Variants in HDAC9 observed in about 807,000 individuals in gnomAD.
HDAC9 encodes the protein histone deacetylase 9.
HDAC9 carries 41 observed loss-of-function variants against 139.4 expected under a neutral mutation model. The observed-to-expected ratio is 0.29, with a 90% CI of 0.23 to 0.38. The LOEUF (loss-of-function observed/expected upper bound fraction) is 0.38, where lower values mean the gene tolerates loss of function less well. HDAC9 is among the 10% of genes least tolerant of loss of function. The pLI is 1.00. For synonymous variants in HDAC9, 517 were observed against 476.2 expected (o/e 1.09, Z -1.12); for missense variants, 1,147 against 1,297.0 (o/e 0.88, Z 1.78).
At chr7:18,693,661 G>C (rs1182394872) in intron 12 of HDAC9, among the ~76,000 whole-genome samples, 3 of 152,132 alleles carry the variant, frequency 2.0e-5, no homozygotes, top group African/African-American at 4.8e-5. Context: ...AGTAGACTGG[G>C]ATTTCAAGGC....
intron 12 of HDAC9, among the ~76,000 whole-genome samples, chr7:18,684,889 T>G (rs17139630): frequency 0.18 from 26,729 of 151,940 alleles, 3,809 homozygotes; most frequent in East Asian, 0.37. Context: ...TCTTCTAGTT[T>G]TTTATCACAT....
At chr7:18,159,568 G>C (rs1255825727) in intron 1 of HDAC9, among the ~76,000 whole-genome samples, 1 of 152,182 alleles carries the variant, frequency 6.6e-6, no homozygotes, top group Non-Finnish European at 1.5e-5. Flanking sequence ...GGTGTGAGGA[G>C]AGGGAAGCAT....
intron 19 of HDAC9, among the ~76,000 whole-genome samples, chr7:18,830,525 T>G (rs1795784730): frequency 6.6e-6 from 1 of 152,174 alleles, no homozygotes; most frequent in South Asian, 2.1e-4. Flanking sequence ...TTATTGGAAG[T>G]CACGGCCTCG....
intron 17 of HDAC9, among the ~76,000 whole-genome samples, chr7:18,803,067 C>T (rs776434712): frequency 5.9e-5 from 9 of 151,748 alleles, no homozygotes; most frequent in Non-Finnish European, 1.2e-4. Flanking sequence ...TACTTTCACC[C>T]GCCCCTTGCT....
intron 2 of HDAC9, among the ~76,000 whole-genome samples, chr7:18,263,509 T>A (rs1311039211): frequency 2.0e-5 from 3 of 152,192 alleles, no homozygotes; most frequent in African/African-American, 7.2e-5. Flanking sequence ...ACAAACTGCC[T>A]GAGCTCATAT....
intron 2 of HDAC9, among the ~76,000 whole-genome samples, chr7:18,272,354 C>T (rs1347584076): frequency 1.3e-5 from 2 of 152,182 alleles, no homozygotes; most frequent in South Asian, 2.1e-4. Context: ...TTAAAAAATA[C>T]ATATATAGTG....
chr7:18,881,220 A>G (rs2129255531), intron 22 of HDAC9, among the ~76,000 whole-genome samples: 1 of 152,274 alleles, frequency 6.6e-6, no homozygotes, highest in East Asian at 1.9e-4. Flanking sequence ...ATGAAGTTTT[A>G]TCTAACTACA....
chr7:18,793,303 C>A, intron 16 of HDAC9, 42 bp from the exon 17 acceptor site: 1 of 1,371,450 alleles, frequency 7.3e-7, no homozygotes, highest in Non-Finnish European at 1.0e-6. Flanking sequence ...TTCTCTTTCG[C>A]TTTCTTCTTC....
intron 1 of HDAC9, among the ~76,000 whole-genome samples, chr7:18,404,302 A>G (rs1787809007): frequency 1.3e-5 from 2 of 152,250 alleles, no homozygotes; most frequent in Admixed American, 6.5e-5. Flanking sequence ...TAAGAGGTAT[A>G]TAACATACAT....
intron 1 of HDAC9, among the ~76,000 whole-genome samples, chr7:18,487,910 C>T (rs913765044): frequency 6.6e-6 from 1 of 151,956 alleles, no homozygotes; most frequent in Admixed American, 6.6e-5. Context: ...CAAGTAGTAA[C>T]TTAGTCTTGT....
At chr7:18,984,889 T>C (rs1785207311) in intron 25 of HDAC9, among the ~76,000 whole-genome samples, 1 of 152,144 alleles carries the variant, frequency 6.6e-6, no homozygotes, top group South Asian at 2.1e-4. Context: ...TGTATTGTTA[T>C]GGTAGGTGTG....
intron 23 of HDAC9, among the ~76,000 whole-genome samples, chr7:18,939,388 G>T (rs1781869143): frequency 6.6e-6 from 1 of 152,012 alleles, no homozygotes; most frequent in Non-Finnish European, 1.5e-5. Flanking sequence ...GAAAAAGAAA[G>T]ATTATTAAAA....
chr7:18,694,276 G>C (rs1322629547), intron 12 of HDAC9, among the ~76,000 whole-genome samples: 1 of 152,100 alleles, frequency 6.6e-6, no homozygotes, highest in African/African-American at 2.4e-5. Flanking sequence ...GGTTGAGAGA[G>C]GCAAAGGGTT....
At position 18,585,451 on chromosome 7, in the gene HDAC9, A is replaced by C; in HGVS notation, c.193A>C (p.Ile65Leu). 1 of 1,613,990 alleles carries C rather than the reference A, an allele frequency of 6.2e-7. No homozygotes were observed. The highest frequency in any genetic ancestry group is 8.5e-7 in the Non-Finnish European group (1 of 1,179,892). Residue 65 changes from isoleucine to leucine, a missense_variant, in exon 3 of 26, where the codon ATA becomes CTA. Around this residue, in one of 7 missense-constraint regions of HDAC9, gnomAD observed 136 missense variants for 183.5 expected, o/e 0.74. Coordinates refer to ENST00000686413, the MANE Select transcript of HDAC9 (RefSeq NM_178425.4). ...GCAACAAATCCAGAAGCAGCTTCTG[A>C]TAGCAGAGTTTCAGAAACAGCATGA... The part of the protein sequence containing the change: ...QQQQIQKQLL[I>L]AEFQKQHENL...
intron 2 of HDAC9, among the ~76,000 whole-genome samples, chr7:18,261,212 G>A (rs1276495962): frequency 2.0e-5 from 3 of 152,096 alleles, no homozygotes; most frequent in African/African-American, 7.2e-5. Flanking sequence ...GGAGGTTGAG[G>A]TGAGAGGATT....
intron 8 of HDAC9, among the ~76,000 whole-genome samples, chr7:18,635,423 C>CATATTAAAGG (rs1273610807): frequency 6.6e-6 from 1 of 151,858 alleles, no homozygotes; most frequent in Non-Finnish European, 1.5e-5. Flanking sequence ...TGAAGAATGA[C>CATATTAAAGG]ATATTAAAGG....
chr7:18,971,606 G>T (rs928525943), intron 24 of HDAC9, among the ~76,000 whole-genome samples: 5 of 152,216 alleles, frequency 3.3e-5, no homozygotes, highest in Admixed American at 3.3e-4. Flanking sequence ...CACAGACGGT[G>T]CTGTACCCAC....
chr7:18,617,943 G>GGGTA (rs1269459057), intron 6 of HDAC9, among the ~76,000 whole-genome samples: 7 of 152,066 alleles, frequency 4.6e-5, no homozygotes, highest in African/African-American at 1.7e-4. Flanking sequence ...GACTGTAACT[G>GGGTA]GGTAAATCAG....
At chr7:18,451,407 A>ATGTG (rs1217649292) in intron 1 of HDAC9, among the ~76,000 whole-genome samples, 3 of 116,574 alleles carry the variant, frequency 2.6e-5, no homozygotes, top group African/African-American at 9.1e-5. Flanking sequence ...GTGTGTATAT[A>ATGTG]TGTGTGTGTG....
Sources: allele counts gnomAD v4.1 joint callset (sites outside exome capture counted in the v4.1 genomes callset), GRCh38; gene constraint gnomAD v4.1.1; regional missense constraint gnomAD v4.1.1; transcripts MANE v1.5; gene names NCBI Gene and HGNC (gene_info 2026-07-23, HGNC 2026-07-21).